The following TLL2 variants were observed in gnomAD, a reference collection of about 807,000 sequenced individuals.
The protein encoded by TLL2 is tolloid-like protein 2.
A neutral mutation model predicts 123.0 loss-of-function variants in TLL2; 106 were observed. That is an observed-to-expected ratio of 0.86 (90% confidence interval 0.74 to 1.01). TLL2 has a LOEUF of 1.01. TLL2 is among the 50% of genes least tolerant of loss of function. The pLI is 0.00. For missense variants in TLL2, 1,332 were observed against 1,336.7 expected, an observed-to-expected ratio of 1.00 and a Z score of 0.06; for synonymous variants, 494 against 516.8, an observed-to-expected ratio of 0.96 and a Z score of 0.60.
Position 96,513,624 on chromosome 10 carries a change from C to T in TLL2, c.62G>A (p.Arg21His). 1 of 1,600,414 alleles carries T rather than the reference C, an allele frequency of 6.2e-7. No homozygotes were observed. ...VSLLLLLPLPRGAGGLGERPD... is the reference protein window; with the variant it reads ...VSLLLLLPLPHGAGGLGERPD... Reference sequence around the variant, plus strand: ...GCGCTCCCCGAGTCCCCCGGCGCCGCGAGGCAGCGGCAGCAGCAGCAGCAG... The same window carrying T: ...GCGCTCCCCGAGTCCCCCGGCGCCGTGAGGCAGCGGCAGCAGCAGCAGCAG... The change falls in exon 1 of 21, where the codon CGC becomes CAC. Residue 21 changes from arginine (R) to histidine (H), a missense_variant. Coordinates refer to ENST00000357947, the MANE Select transcript of TLL2 (RefSeq NM_012465.4).
chr10:96,500,998 C>T (rs982884898), intron 1 of TLL2, among the ~76,000 whole-genome samples: 1 of 152,116 alleles, frequency 6.6e-6, no homozygotes, highest in African/African-American at 2.4e-5. Flanking sequence ...GAAATTCAAA[C>T]AGAAGCAGGT....
chr10:96,427,773 G>GT (rs977656126), intron 5 of TLL2, among the ~76,000 whole-genome samples: 14 of 151,940 alleles, frequency 9.2e-5, no homozygotes, highest in African/African-American at 1.7e-4. Context: ...GTTGGGTTTG[G>GT]TTTTTTTTGT....
Position 96,376,831 on chromosome 10 carries a change from A to T in TLL2, c.2321-12T>A, listed in dbSNP as rs1329355576. The T allele has an allele frequency of 6.6e-7, 1 of 1,515,324 alleles. No homozygotes were observed. Among genetic ancestry groups the T allele is most frequent in the Admixed American group, 2.3e-5 (1 of 42,826 alleles). 93.9% of individuals were successfully genotyped at this position (1,515,324 alleles called of 1,614,324 possible). ...GTGTGCACAGCCAGCTGGGGGTGGCAGGGGGACACATACAAAGAGAGAAGT... is the reference window on the plus strand; with the variant it reads ...GTGTGCACAGCCAGCTGGGGGTGGCTGGGGGACACATACAAAGAGAGAAGT... On this transcript the variant is annotated splice_polypyrimidine_tract_variant and intron_variant, in intron 17 of 20. Coordinates refer to ENST00000357947, the MANE Select transcript of TLL2 (RefSeq NM_012465.4).
At chr10:96,386,378 A>G (rs1312025775) in intron 14 of TLL2, among the ~76,000 whole-genome samples, 163 bp from the exon 15 acceptor site, 1 of 152,266 alleles carries the variant, frequency 6.6e-6, no homozygotes, top group Non-Finnish European at 1.5e-5. Context: ...AATGGTTTCA[A>G]CTGAATATTT....
chr10:96,512,997 C>A (rs764268155), intron 1 of TLL2, among the ~76,000 whole-genome samples: 3 of 152,266 alleles, frequency 2.0e-5, no homozygotes, highest in Non-Finnish European at 2.9e-5. Context: ...TCTCCCTCGG[C>A]GACCCCTTTC....
At position 96,513,682 on chromosome 10, in the gene TLL2, G is replaced by C. The variant is rs1847655429; in HGVS notation, c.4C>G (p.Pro2Ala). 1 of 1,531,342 alleles carries C rather than the reference G, an allele frequency of 6.5e-7. No homozygotes were observed. The allele number at this position is 1,531,342 out of a possible 1,614,324, so 94.9% of individuals were successfully genotyped here. A position where few individuals can be genotyped will look rare whatever the true frequency, so the allele number is the denominator to read the frequency against. Residue 2 changes from proline to alanine, a missense_variant, in exon 1 of 21, where the codon CCC becomes GCC. Physicochemically the swap from Pro to Ala is conservative, Grantham distance 27 (BLOSUM62 -1). Coordinates refer to ENST00000357947, the MANE Select transcript of TLL2 (RefSeq NM_012465.4). ...AGGGCCCCAAGTGCAGTCGCCCGGG[G>C]CATGGTGGCGCGGGGCCGGCTGGGG... M[P>A]RATALGALVS...
intron 9 of TLL2, among the ~76,000 whole-genome samples, chr10:96,406,779 C>T (rs1846455731): frequency 6.6e-6 from 1 of 152,278 alleles, no homozygotes; most frequent in Middle Eastern, 3.4e-3. Context: ...AAAGCATTTC[C>T]TTTCCAGCCT....
intron 2 of TLL2, among the ~76,000 whole-genome samples, chr10:96,459,783 A>C (rs966781431): frequency 2.1e-5 from 3 of 144,918 alleles, no homozygotes; most frequent in African/African-American, 7.6e-5. Flanking sequence ...TGCTAACTCT[A>C]TATATAAAAA....
intron 1 of TLL2, among the ~76,000 whole-genome samples, chr10:96,502,012 T>C (rs1847537806): frequency 6.6e-6 from 1 of 152,190 alleles, no homozygotes; most frequent in Non-Finnish European, 1.5e-5. Context: ...AAAGAGTGCT[T>C]TTCAGAAAAA....
intron 18 of TLL2, chr10:96,374,195 A>C: frequency 4.3e-6 from 1 of 230,500 alleles, no homozygotes; most frequent in South Asian, 7.1e-5. Flanking sequence ...CTTAGGGCTA[A>C]GAGCCAGCAA....
At chr10:96,460,618 TTCTTTCG>T (rs1847072200) in intron 2 of TLL2, among the ~76,000 whole-genome samples, 1 of 152,208 alleles carries the variant, frequency 6.6e-6, no homozygotes, top group African/African-American at 2.4e-5. Flanking sequence ...CATTTCCCCC[TTCTTTCG>T]CTCTCTCCTG....
In TLL2 at chr10:96,447,173, G is replaced by T. The variant is rs149774678; in HGVS notation, c.287-1005C>A. Among the ~76,000 whole-genome samples the T allele has an allele frequency of 1.8e-3, 267 of 152,336 alleles. 2 individuals are homozygous for T. The highest frequency in any genetic ancestry group is 0.014 in the Middle Eastern group (4 of 294). Reference sequence around the variant, plus strand: ...TCCTCCGCAGGGGAAGGATCCAGAAGGAGCCTAGACGGGGACTGGGCTTGT... The same window carrying T: ...TCCTCCGCAGGGGAAGGATCCAGAATGAGCCTAGACGGGGACTGGGCTTGT... On this transcript the variant is annotated intron_variant, in intron 2 of 20. Transcript: ENST00000357947.
chr10:96,417,847 C>T (rs1019378707), intron 7 of TLL2, among the ~76,000 whole-genome samples: 2 of 152,196 alleles, frequency 1.3e-5, no homozygotes, highest in African/African-American at 4.8e-5. Context: ...TGAGTGATCC[C>T]AGGAAAGACC....
intron 6 of TLL2, 26 bp from the exon 7 acceptor site, chr10:96,421,087 C>T (rs780459082): frequency 1.3e-6 from 2 of 1,591,684 alleles, no homozygotes; most frequent in Admixed American, 1.7e-5. Flanking sequence ...GTGTTAAGCC[C>T]TTTGAAAACC....
chr10:96,397,443 C>T (rs1414446878), intron 10 of TLL2, 141 bp from the exon 11 acceptor site: 7 of 557,398 alleles, frequency 1.3e-5, no homozygotes, highest in Non-Finnish European at 2.2e-5. Flanking sequence ...TCCTGTAGCA[C>T]ACACAGGATC....
intron 2 of TLL2, among the ~76,000 whole-genome samples, chr10:96,459,159 T>C (rs1847048182): frequency 6.6e-6 from 1 of 152,088 alleles, no homozygotes; most frequent in African/African-American, 2.4e-5. Context: ...CCAAACGAAG[T>C]TATGGGTTTA....
intron 2 of TLL2, among the ~76,000 whole-genome samples, chr10:96,478,409 T>A (rs1847280129): frequency 6.6e-6 from 1 of 152,216 alleles, no homozygotes. Context: ...TACAACCACT[T>A]TGGAGAACTC....
At position 96,366,475 on chromosome 10, in the gene TLL2, A is replaced by T. The variant is rs933145309; in HGVS notation, c.*1613T>A. 3 of 152,630 alleles carry T rather than the reference A, an allele frequency of 2.0e-5. No individual in the cohort carries two copies. The highest frequency in any genetic ancestry group is 2.9e-5 in the Non-Finnish European group (2 of 68,040). The allele number at this position is 152,630 out of a possible 1,614,324, so 9.5% of individuals were successfully genotyped here. A position where few individuals can be genotyped will look rare whatever the true frequency, so the allele number is the denominator to read the frequency against. On this transcript the variant is annotated 3_prime_UTR_variant, in exon 21 of 21. Transcript: ENST00000357947. ...TATACAGACATATATTATTAATAAT[A>T]CTTTAATTTTTTTCTGTTTTAAGGA...
intron 1 of TLL2, among the ~76,000 whole-genome samples, chr10:96,487,265 T>C (rs874371): frequency 0.38 from 57,248 of 151,966 alleles, 11,096 homozygotes; most frequent in Middle Eastern, 0.52. Context: ...AAGCATGCAG[T>C]GAAGAGTGGT....
Sources: allele counts gnomAD v4.1 joint callset (sites outside exome capture counted in the v4.1 genomes callset), GRCh38; gene constraint gnomAD v4.1.1; transcripts MANE v1.5; gene names NCBI Gene and HGNC (gene_info 2026-07-23, HGNC 2026-07-21).